HGS: variants seen among roughly 807,000 people sequenced by gnomAD.
HGS encodes the protein human growth factor-regulated tyrosine kinase substrate.
Under a neutral mutation model 109.7 loss-of-function variants are expected in HGS, and 63 were observed. That is an observed-to-expected ratio of 0.57 (90% CI 0.47 to 0.71). The LOEUF (loss-of-function observed/expected upper bound fraction) is 0.71, where lower values mean the gene tolerates loss of function less well. Among genes scored for constraint, HGS ranks in the 30% least tolerant of loss-of-function variants. The probability of loss-of-function intolerance (pLI) is 0.00; values close to 1 mark genes in which losing one functional copy is unlikely to be tolerated. For synonymous variants in HGS, 546 were observed against 437.3 expected, an observed-to-expected ratio of 1.25 and a Z score of -3.10; for missense variants, 995 against 1,068.3, an observed-to-expected ratio of 0.93 and a Z score of 0.96.
Position 81,691,411 on chromosome 17 carries a change from G to A in HGS, c.538-36G>A. On this transcript the variant is annotated intron_variant, in intron 7 of 21. Coordinates refer to ENST00000329138, the MANE Select transcript of HGS (RefSeq NM_004712.5). The surrounding 1 kb of genome is among the most constrained non-coding windows in gnomAD (Gnocchi z 5.3). ...CCGGGTGGCGCATCAGGGTCCCCCA[G>A]TGCCTGTGACCAGGCCCGCCCGCCC... 6.2e-7 allele frequency: 1 copy of A among 1,612,046 alleles called. No homozygotes were observed. The highest frequency in any genetic ancestry group is 8.5e-7 in the Non-Finnish European group (1 of 1,179,486).
Position 81,696,411 on chromosome 17 carries a change from C to T in HGS, c.1448C>T (p.Ala483Val), listed in dbSNP as rs1382358947. The T allele has an allele frequency of 1.3e-6, 2 of 1,581,560 alleles. No individual in the cohort carries two copies. The highest frequency in any genetic ancestry group is 1.7e-6 in the Non-Finnish European group (2 of 1,166,682). The change falls in exon 16 of 22, where the codon GCG becomes GTG. Residue 483 changes from alanine to valine, a missense_variant. Physicochemically the swap from Ala to Val is moderately conservative, Grantham distance 64. Coordinates refer to ENST00000329138, the MANE Select transcript of HGS (RefSeq NM_004712.5). ...KLAQIRDARG[A>V]LSALREEHRE... ...GCACAGATCCGCGATGCCCGGGGGG[C>T]GCTGAGTGCCCTGCGCGAAGAGCAC...
At chr17:81,685,096 C>T (rs1331284662) in intron 1 of HGS, 20 of 983,636 alleles carry the variant, frequency 2.0e-5, no homozygotes, top group Non-Finnish European at 2.4e-5. Context: ...TCCTTGGAGC[C>T]CCGTTCTGCC....
At chr17:81,694,618 C>T (rs776853328) in intron 11 of HGS, among the ~76,000 whole-genome samples, 197 bp from the exon 12 acceptor site, 10 of 152,238 alleles carry the variant, frequency 6.6e-5, no homozygotes, top group Non-Finnish European at 1.0e-4. Context: ...GCAGTGCTGT[C>T]AGCCTCTGTG....
intron 14 of HGS, 45 bp from the exon 15 acceptor site, chr17:81,695,741 G>C (rs375942365): frequency 9.4e-6 from 15 of 1,592,830 alleles, no homozygotes; most frequent in East Asian, 6.7e-5. Flanking sequence ...AGGGAGGCTG[G>C]CTGGGGCGTG....
At chr17:81,690,470 CT>C in intron 6 of HGS, 1 of 632,002 alleles carries the variant, frequency 1.6e-6, no homozygotes. Context: ...AAACAAGCAC[CT>C]TTGATGAGGA....
intron 18 of HGS, 49 bp downstream of exon 18, chr17:81,697,047 T>C: frequency 6.7e-7 from 1 of 1,486,114 alleles, no homozygotes; most frequent in African/African-American, 1.4e-5. Context: ...CTCGTCTTTA[T>C]TTTAGCCGAA....
chr17:81,690,907 G>T, intron 7 of HGS, 165 bp downstream of exon 7: 2 of 587,528 alleles, frequency 3.4e-6, no homozygotes, highest in South Asian at 2.2e-5. Context: ...GGACAGTGAG[G>T]GCCCACGTAA....
chr17:81,690,616 G>C, intron 6 of HGS, 58 bp from the exon 7 acceptor site: 1 of 1,541,338 alleles, frequency 6.5e-7, no homozygotes, highest in Non-Finnish European at 8.9e-7. Flanking sequence ...GGGAGGCTCT[G>C]TGCCTCTGGG....
At chr17:81,694,706 C>T (rs1178604324) in intron 11 of HGS, 109 bp from the exon 12 acceptor site, 5 of 1,353,934 alleles carry the variant, frequency 3.7e-6, no homozygotes, top group Non-Finnish European at 1.1e-6. Flanking sequence ...GAGGGAGGGC[C>T]CAGGCTGCGG....
Position 81,694,942 on chromosome 17 carries a change from C to G in HGS, c.994C>G (p.Arg332Gly), listed in dbSNP as rs758545680. 6.2e-7 allele frequency: 1 copy of G among 1,614,064 alleles called. No homozygotes were observed. Among genetic ancestry groups the G allele is most frequent in the Non-Finnish European group, 8.5e-7 (1 of 1,180,042 alleles). ...IDPELARYLN[R>G]NYWEKKQEEA... is the part of the protein sequence containing the mutation. ...CCTGCAGCTCGCACGGTATCTCAAC[C>G]GGAACTACTGGGAGAAGAAGCAGGA... is the stretch of plus-strand genomic sequence containing the variant. The change falls in exon 13 of 22, where the codon CGG becomes GGG. Residue 332 changes from arginine to glycine, a missense_variant. Coordinates refer to ENST00000329138, the MANE Select transcript of HGS (RefSeq NM_004712.5).
rs781361216 is a variant in HGS, at chr17:81,684,042, C to CGTCGGGTTTGGGCTGGAG, written c.-20_-3dup. On this transcript the variant is annotated 5_prime_UTR_variant, in exon 1 of 22. Coordinates refer to ENST00000329138, the MANE Select transcript of HGS (RefSeq NM_004712.5). ...GCTCGTAGCAGGGGAGCGCCCGCGG[C>CGTCGGGTTTGGGCTGGAG]GTCGGGTTTGGGCTGGAGGTCGCCA... The CGTCGGGTTTGGGCTGGAG allele has an allele frequency of 6.3e-7, 1 of 1,586,172 alleles. No homozygotes were observed. Among genetic ancestry groups the CGTCGGGTTTGGGCTGGAG allele is most frequent in the African/African-American group, 1.3e-5 (1 of 74,490 alleles).
intron 8 of HGS, chr17:81,692,073 C>T (rs2037072687): frequency 6.2e-6 from 1 of 161,764 alleles, no homozygotes; most frequent in African/African-American, 2.4e-5. Context: ...TGCCCCTTGG[C>T]ACTCAGATCT....
intron 3 of HGS, 23 bp downstream of exon 3, chr17:81,686,410 GT>G (rs777766368): frequency 6.3e-7 from 1 of 1,596,346 alleles, no homozygotes; most frequent in Non-Finnish European, 8.6e-7. Flanking sequence ...CCGTGCCTCA[GT>G]GGCCCCCAGG....
At chr17:81,688,107 G>A (rs558831312) in intron 4 of HGS, among the ~76,000 whole-genome samples, 106 of 152,272 alleles carry the variant, frequency 7.0e-4, no homozygotes, top group South Asian at 1.9e-3. Context: ...CAAGTGCCCC[G>A]GAGCCTGCTT....
Position 81,691,716 on chromosome 17 carries a change from G to C in HGS, c.662+145G>C. On this transcript the variant is annotated intron_variant, in intron 8 of 21. Transcript: ENST00000329138. The surrounding 1 kb of genome is among the most constrained non-coding windows in gnomAD (Gnocchi z 5.3). Reference sequence around the variant, plus strand: ...AGCTGGAAGGTCAAGGGAAACCCAGGGTGGCCGCATGCCCTCGGACCCTGC... The same window carrying C: ...AGCTGGAAGGTCAAGGGAAACCCAGCGTGGCCGCATGCCCTCGGACCCTGC... 9.2e-7 allele frequency: 1 copy of C among 1,091,280 alleles called. No individual in the cohort carries two copies. Among genetic ancestry groups the C allele is most frequent in the Non-Finnish European group, 1.3e-6 (1 of 753,058 alleles). The allele number at this position is 1,091,280 out of a possible 1,614,324, so 67.6% of individuals were successfully genotyped here.
chr17:81,690,184 C>T lies in HGS; in HGVS notation c.418C>T (p.His140Tyr). The change falls in exon 6 of 22, where the codon CAC (histidine) becomes TAC (tyrosine). Residue 140 changes from histidine (H) to tyrosine (Y), a missense_variant and splice_region_variant. His to Tyr is a moderately conservative substitution (Grantham distance 83). Transcript: ENST00000329138. Reference sequence around the variant, plus strand: ...TGACTATGGCTTCATCTCTCCAGGGCACGTCTTTCCAGAATTCAAAGAGAG... The same window carrying T: ...TGACTATGGCTTCATCTCTCCAGGGTACGTCTTTCCAGAATTCAAAGAGAG... The part of the protein sequence containing the change: ...DTYQIMKVEG[H>Y]VFPEFKESDA... The T allele has an allele frequency of 6.2e-7, 1 of 1,613,686 alleles. No individual in the cohort carries two copies. The highest frequency in any genetic ancestry group is 8.5e-7 in the Non-Finnish European group (1 of 1,179,710).
In HGS at chr17:81,691,737, C is replaced by A. The variant is rs1489865499; in HGVS notation, c.662+166C>A. On this transcript the variant is annotated intron_variant, in intron 8 of 21. Coordinates refer to ENST00000329138, the MANE Select transcript of HGS (RefSeq NM_004712.5). The surrounding 1 kb of genome is among the most constrained non-coding windows in gnomAD (Gnocchi z 5.3). ...CCAGGGTGGCCGCATGCCCTCGGAC[C>A]CTGCCCCACACTAGGGCAGGTGGGT... is the stretch of plus-strand genomic sequence containing the variant. The A allele has an allele frequency of 1.1e-5, 9 of 800,808 alleles. No individual in the cohort carries two copies. In the Admixed American group the frequency reaches 2.3e-4, roughly 21 times the overall value. 49.6% of individuals were successfully genotyped at this position (800,808 alleles called of 1,614,324 possible).
intron 2 of HGS, 139 bp from the exon 3 acceptor site, chr17:81,686,173 C>G (rs777181320): frequency 5.9e-6 from 4 of 682,942 alleles, no homozygotes; most frequent in Non-Finnish European, 1.0e-5. Flanking sequence ...TCAAGCAATC[C>G]TCCTGCCTTG....
intron 8 of HGS, chr17:81,692,177 C>T (rs937085098): frequency 1.3e-5 from 2 of 153,140 alleles, no homozygotes; most frequent in Admixed American, 1.3e-4. Flanking sequence ...GCTCTGTGGT[C>T]CACGTTCCAT....
Sources: allele counts gnomAD v4.1 joint callset (sites outside exome capture counted in the v4.1 genomes callset), GRCh38; gene constraint gnomAD v4.1.1; non-coding constraint Gnocchi (gnomAD v3.1); transcripts MANE v1.5; gene names NCBI Gene and HGNC (gene_info 2026-07-23, HGNC 2026-07-21).